SMARCA4: variants seen among roughly 807,000 people sequenced by gnomAD.
SMARCA4 encodes SWI/SNF related BAF chromatin remodeling complex subunit ATPase 4.
Under a neutral mutation model 193.9 loss-of-function variants are expected in SMARCA4, and 31 were observed. The observed-to-expected ratio is 0.16, with a 90% CI of 0.12 to 0.22. The LOEUF (loss-of-function observed/expected upper bound fraction) is 0.22. SMARCA4 is among the 10% of genes least tolerant of loss of function. The pLI, the probability that SMARCA4 is intolerant of heterozygous loss-of-function variation, is 1.00. For synonymous variants in SMARCA4, 942 were observed against 933.1 expected (o/e 1.01, Z -0.17); for missense variants, 1,148 against 2,296.0 (o/e 0.50, Z 10.22).
chr19:11,041,425 G>A lies in SMARCA4; in HGVS notation c.4289G>A (p.Ser1430Asn), dbSNP rs2075604964. The A allele has an allele frequency of 3.1e-6, 5 of 1,612,486 alleles. No individual in the cohort carries two copies. In the East Asian group the frequency reaches 1.1e-4, roughly 36 times the overall value. Residue 1430 changes from serine (S) to asparagine (N), a missense_variant, in exon 30 of 35, where the codon AGC becomes AAC. Physicochemically the swap from Ser to Asn is conservative, Grantham distance 46. Around this residue, in one of 17 missense-constraint regions of SMARCA4, gnomAD observed 141 missense variants for 193.0 expected, o/e 0.73. Transcript: ENST00000344626. This position sits in a 1 kb window ranked among gnomAD's most constrained non-coding sequence, Gnocchi z 5.6. ...GSSTPTTSTR[S>N]RDKDDESKKQ... Reference sequence around the variant, plus strand: ...TCCACCCCGACCACCAGCACCCGCAGCCGCGACAAGGACGACGAGAGCAAG... The same window carrying A: ...TCCACCCCGACCACCAGCACCCGCAACCGCGACAAGGACGACGAGAGCAAG...
rs1016290365 is a variant in SMARCA4, at chr19:11,041,201, C to A, written c.4171-106C>A. On this transcript the variant is annotated intron_variant, in intron 29 of 34. Coordinates refer to ENST00000344626, the MANE Select transcript of SMARCA4 (RefSeq NM_003072.5). This position sits in a 1 kb window ranked among gnomAD's most constrained non-coding sequence, Gnocchi z 5.6. ...AGTCAAGCTGAAGGGAGAGCGGGTG[C>A]GGGGGCCCTCCTCCGTGTCCCAGCC... The A allele has an allele frequency of 2.4e-6, 3 of 1,236,446 alleles. No homozygotes were observed. The highest frequency in any genetic ancestry group is 3.4e-6 in the Non-Finnish European group (3 of 883,654). The allele number at this position is 1,236,446 out of a possible 1,614,324, so 76.6% of individuals were successfully genotyped here.
intron 1 of SMARCA4, among the ~76,000 whole-genome samples, chr19:10,983,100 T>G (rs952086691): frequency 2.0e-5 from 3 of 152,112 alleles, no homozygotes; most frequent in African/African-American, 7.2e-5. Context: ...ATTGAGAAAT[T>G]TCACTGAGTG....
chr19:10,988,312 A>G lies in SMARCA4; in HGVS notation c.1118+388A>G, dbSNP rs142107776. Among the ~76,000 whole-genome samples the G allele has an allele frequency of 1.3e-3, 200 of 152,190 alleles. 1 individual carries two copies. Among genetic ancestry groups the G allele is most frequent in the Middle Eastern group, 3.4e-3 (1 of 294 alleles). The stretch of plus-strand genomic sequence containing the variant: ...ATTTTGTATTTATTTTAGTAGAGGC[A>G]GGGTTTCTCCATGTTGGTCAGGCTG... On this transcript the variant is annotated intron_variant, in intron 6 of 34. Transcript: ENST00000344626.
rs1568417458 is a variant in SMARCA4, at chr19:10,984,321, C to G, written c.170C>G (p.Pro57Arg). The G allele has an allele frequency of 6.2e-7, 1 of 1,605,196 alleles. No homozygotes were observed. The highest frequency in any genetic ancestry group is 8.5e-7 in the Non-Finnish European group (1 of 1,176,250). ...PGPPSAGHPIPTQGPGGYPQD... is the reference protein window; with the variant it reads ...PGPPSAGHPIRTQGPGGYPQD... ...CCGCCCTCAGCAGGACACCCCATCC[C>G]CACCCAGGGGCCTGGAGGGTACCCT... Residue 57 changes from proline (P) to arginine (R), a missense_variant, in exon 2 of 35, where the codon CCC becomes CGC. Physicochemically the swap from Pro to Arg is moderately radical, Grantham distance 103. Around this residue, in one of 17 missense-constraint regions of SMARCA4, gnomAD observed 201 missense variants for 248.3 expected, o/e 0.81. Transcript: ENST00000344626. The surrounding 1 kb of genome is among the most constrained non-coding windows in gnomAD (Gnocchi z 4.3).
At chr19:11,050,004 A>G (rs536390480) in intron 30 of SMARCA4, among the ~76,000 whole-genome samples, 2 of 152,342 alleles carry the variant, frequency 1.3e-5, no homozygotes, top group Admixed American at 1.3e-4. Context: ...TGGGAGGCTG[A>G]GGCAGGAGAA....
In SMARCA4 at chr19:11,060,073, T is replaced by C; in HGVS notation, c.4797T>C (p.Leu1599=). The C allele has an allele frequency of 6.4e-7, 1 of 1,555,346 alleles. No individual in the cohort carries two copies. Among genetic ancestry groups the C allele is most frequent in the East Asian group, 2.4e-5 (1 of 41,108 alleles). ...ESRSVKVKIK[L]GRKEKAQDRL... ...GGTCCGTCAAAGTGAAGATCAAGCT[T>C]GGCCGGAAGGAGAAGGCACAGGACC... The change falls in exon 34 of 35, where the codon CTT becomes CTC. Residue 1599 remains leucine (L), a synonymous_variant. Coordinates refer to ENST00000344626, the MANE Select transcript of SMARCA4 (RefSeq NM_003072.5).
intron 8 of SMARCA4, 39 bp downstream of exon 8, chr19:10,991,362 C>T (rs1162165890): frequency 1.3e-6 from 2 of 1,556,628 alleles, no homozygotes; most frequent in Non-Finnish European, 1.7e-6. Context: ...AGCCCGCCCA[C>T]CTGGCTGCCT....
rs368665409 is a variant in SMARCA4 at position 11,024,306 on chromosome 19, C to T, written c.2974-25C>T. The stretch of plus-strand genomic sequence containing the variant: ...CAGGCCTCAAGCCACCTTGGGCCCT[C>T]GTGAGCATTATGTGTCCCCTGCAGG... On this transcript the variant is annotated intron_variant, in intron 20 of 34. Transcript: ENST00000344626. 116 of 1,557,052 alleles carry T rather than the reference C, an allele frequency of 7.4e-5. 1 individual carries two copies. In the Admixed American group the frequency reaches 7.8e-4, roughly 11 times the overall value.
At chr19:11,061,204 A>AAAAAAAAAAATAT (rs1555797070) in intron 34 of SMARCA4, among the ~76,000 whole-genome samples, 1 of 45,226 alleles carries the variant, frequency 2.2e-5, no homozygotes, top group African/African-American at 1.1e-4. Context: ...AAAAAAAAAA[A>AAAAAAAAAAATAT]ATATATATAT....
At chr19:11,049,953 T>G (rs145060060) in intron 30 of SMARCA4, among the ~76,000 whole-genome samples, 1 of 152,086 alleles carries the variant, frequency 6.6e-6, no homozygotes, top group Non-Finnish European at 1.5e-5. Context: ...AATACAAAAA[T>G]TAGCCAGGCA....
Position 11,033,278 on chromosome 19 carries a change from C to G in SMARCA4, c.3547-12C>G. On this transcript the variant is annotated splice_polypyrimidine_tract_variant and intron_variant, in intron 25 of 34. Transcript: ENST00000344626. The surrounding 1 kb of genome is among the most constrained non-coding windows in gnomAD (Gnocchi z 9.8). Reference sequence around the variant, plus strand: ...GGGCTCCTTTGGGACTGACTGGCACCTCTTCCCCCAGGACCTGCAAGCGCA... The same window carrying G: ...GGGCTCCTTTGGGACTGACTGGCACGTCTTCCCCCAGGACCTGCAAGCGCA... 1 of 1,609,144 alleles carries G rather than the reference C, an allele frequency of 6.2e-7. No individual in the cohort carries two copies. The highest frequency in any genetic ancestry group is 8.5e-7 in the Non-Finnish European group (1 of 1,176,700).
At chr19:11,037,046 G>C (rs139315031) in intron 29 of SMARCA4, among the ~76,000 whole-genome samples, 9 of 152,166 alleles carry the variant, frequency 5.9e-5, no homozygotes, top group Non-Finnish European at 1.3e-4. Flanking sequence ...ATGGACACTT[G>C]GGTTGTATCC....
chr19:11,024,280 T>G (rs374181101), intron 20 of SMARCA4, 51 bp from the exon 21 acceptor site: 2 of 1,313,018 alleles, frequency 1.5e-6, no homozygotes, highest in Non-Finnish European at 2.2e-6. Flanking sequence ...ATGGGGGGAG[T>G]CAGGCCTCAA....
intron 14 of SMARCA4, 185 bp downstream of exon 14, chr19:11,008,208 C>T (rs2088430418): frequency 1.6e-6 from 1 of 614,040 alleles, no homozygotes; most frequent in African/African-American, 1.8e-5. Context: ...TTTAATAGAG[C>T]AATTGCATTC....
chr19:10,998,467 G>A lies in SMARCA4; in HGVS notation c.1812+1923G>A, dbSNP rs112879566. 3.6e-3 allele frequency among the ~76,000 whole-genome samples: 545 copies of A among 150,126 alleles called. 7 individuals carry two copies. Among genetic ancestry groups the A allele is most frequent in the African/African-American group, 0.012 (507 of 40,906 alleles). ...ATACTTGAGACTCTGTAACTATGTT[G>A]TAACTCCTCAGAATTCCAGCTACTC... On this transcript the variant is annotated intron_variant, in intron 11 of 34. Coordinates refer to ENST00000344626, the MANE Select transcript of SMARCA4 (RefSeq NM_003072.5).
intron 1 of SMARCA4, among the ~76,000 whole-genome samples, chr19:10,978,370 T>C (rs1286996637): frequency 1.3e-5 from 2 of 152,144 alleles, no homozygotes; most frequent in African/African-American, 4.8e-5. Context: ...TTTACTCTTA[T>C]TGCCCAGGCT....
In SMARCA4 at chr19:10,963,767, A is replaced by ATTT. The variant is rs61382773; in HGVS notation, c.-32+2607_-32+2609dup. On this transcript the variant is annotated intron_variant, in intron 1 of 34. Coordinates refer to ENST00000344626, the MANE Select transcript of SMARCA4 (RefSeq NM_003072.5). ...GCACCTGATGCGTAGTGAACACTTG[A>ATTT]TTTTTTTTTTTTTTTTGAGACGGAG... Among the ~76,000 whole-genome samples, 125 of 141,124 alleles carry ATTT rather than the reference A, an allele frequency of 8.9e-4. 2 individuals are homozygous for ATTT. Among genetic ancestry groups the ATTT allele is most frequent in the South Asian group, 2.0e-3 (9 of 4,432 alleles). 92.6% of individuals were successfully genotyped at this position (141,124 alleles called of 152,430 possible). A position where few individuals can be genotyped will look rare whatever the true frequency, so the allele number is the denominator to read the frequency against.
intron 8 of SMARCA4, among the ~76,000 whole-genome samples, chr19:10,993,564 G>A (rs1033238362): frequency 7.9e-5 from 12 of 152,176 alleles, no homozygotes; most frequent in African/African-American, 2.9e-4. Flanking sequence ...TCACATCCGT[G>A]CCATGCTGCC....
intron 30 of SMARCA4, among the ~76,000 whole-genome samples, chr19:11,044,173 G>C (rs755882613): frequency 6.6e-6 from 1 of 152,066 alleles, no homozygotes; most frequent in Non-Finnish European, 1.5e-5. Flanking sequence ...ACGTAGAGAG[G>C]ATGAGCCTCG....
Sources: allele counts gnomAD v4.1 joint callset (sites outside exome capture counted in the v4.1 genomes callset), GRCh38; gene constraint gnomAD v4.1.1; regional missense constraint gnomAD v4.1.1; non-coding constraint Gnocchi (gnomAD v3.1); transcripts MANE v1.5; gene names NCBI Gene and HGNC (gene_info 2026-07-23, HGNC 2026-07-21).